The following EVL variants were observed in gnomAD, a reference collection of about 807,000 sequenced individuals.
The protein encoded by EVL is Enah/Vasp-like.
EVL carries 21 observed loss-of-function variants against 59.6 expected under a neutral mutation model. That is an observed-to-expected ratio of 0.35 (90% CI 0.25 to 0.51). The LOEUF (loss-of-function observed/expected upper bound fraction) is 0.51. Ranked by LOEUF, EVL falls within the 20% of genes least tolerant of loss-of-function variation. EVL has a pLI of 0.97. For synonymous variants in EVL, 198 were observed against 203.5 expected, an observed-to-expected ratio of 0.97 and a Z score of 0.23; for missense variants, 462 against 546.6, an observed-to-expected ratio of 0.85 and a Z score of 1.54.
intron 1 of EVL, among the ~76,000 whole-genome samples, chr14:99,988,925 G>A (rs2060858493): frequency 6.6e-6 from 1 of 152,188 alleles, no homozygotes; most frequent in Admixed American, 6.5e-5. Flanking sequence ...GGGGCTGAGG[G>A]TCAGTTTGAG....
At chr14:100,016,373 A>G (rs1236130088) in intron 1 of EVL, among the ~76,000 whole-genome samples, 1 of 152,192 alleles carries the variant, frequency 6.6e-6, no homozygotes, top group Non-Finnish European at 1.5e-5. Context: ...TACTAAAAAT[A>G]CAAAAATTAG....
At chr14:100,062,827 C>A (rs1295675000), upstream of EVL, among the ~76,000 whole-genome samples, 3 of 152,212 alleles carry the variant, frequency 2.0e-5, no homozygotes, top group Non-Finnish European at 4.4e-5. Context: ...GGCATGGTGA[C>A]TCATGCCTGT....
intron 1 of EVL, among the ~76,000 whole-genome samples, chr14:99,994,112 C>CTTTTT (rs751533422): frequency 3.6e-5 from 2 of 55,154 alleles, no homozygotes; most frequent in East Asian, 6.6e-4. Flanking sequence ...AGCCTTTTGG[C>CTTTTT]TTTTTTTTTT....
intron 1 of EVL, among the ~76,000 whole-genome samples, chr14:100,014,254 C>T (rs1185436542): frequency 6.6e-6 from 1 of 152,202 alleles, no homozygotes; most frequent in African/African-American, 2.4e-5. Context: ...ATTCTACTCA[C>T]AAGTTCGATT....
At chr14:100,099,317 T>TG (rs1318163471) in intron 3 of EVL, among the ~76,000 whole-genome samples, 1 of 152,142 alleles carries the variant, frequency 6.6e-6, no homozygotes, top group East Asian at 1.9e-4. Context: ...AAGAATCACT[T>TG]GAGTCCAAGA....
chr14:100,026,663 G>A (rs1231236079), intron 1 of EVL, among the ~76,000 whole-genome samples: 1 of 152,186 alleles, frequency 6.6e-6, no homozygotes, highest in Non-Finnish European at 1.5e-5. Context: ...CTACTGTGTA[G>A]TTGTATGATT....
chr14:100,133,597 C>A (rs1330386098), intron 8 of EVL, among the ~76,000 whole-genome samples: 3 of 152,200 alleles, frequency 2.0e-5, no homozygotes, highest in Non-Finnish European at 4.4e-5. Flanking sequence ...CCCCACCAGC[C>A]AACTCCCATT....
intron 1 of EVL, among the ~76,000 whole-genome samples, chr14:99,980,817 C>T (rs775540643): frequency 7.9e-5 from 12 of 152,202 alleles, no homozygotes; most frequent in East Asian, 3.9e-4. Flanking sequence ...TTAATTTGAG[C>T]GGCATCATTG....
At chr14:100,112,196 GA>G in intron 3 of EVL, among the ~76,000 whole-genome samples, 1 of 152,282 alleles carries the variant, frequency 6.6e-6, no homozygotes, top group East Asian at 1.9e-4. Flanking sequence ...CGGAGACTCA[GA>G]AAGCCAACTG....
At chr14:100,043,082 A>C (rs1348173333) in intron 1 of EVL, among the ~76,000 whole-genome samples, 1 of 152,126 alleles carries the variant, frequency 6.6e-6, no homozygotes, top group Non-Finnish European at 1.5e-5. Flanking sequence ...GTAGGTTCAC[A>C]TAGACCTGTT....
intron 1 of EVL, among the ~76,000 whole-genome samples, chr14:100,043,514 A>G (rs1430856853): frequency 6.6e-6 from 1 of 151,468 alleles, no homozygotes; most frequent in Non-Finnish European, 1.5e-5. Flanking sequence ...CTGGAGCCCA[A>G]AGGCTGGAGA....
chr14:100,128,472 C>T lies in EVL; in HGVS notation c.488-47C>T, dbSNP rs777345841. The stretch of plus-strand genomic sequence containing the variant: ...CTGAGCTGAGAGCAGCAGGCTTGGC[C>T]CCCAGCTGGGTGCTGGAGCTGGCTG... On this transcript the variant is annotated intron_variant, in intron 5 of 13. Coordinates refer to ENST00000392920, the MANE Select transcript of EVL (RefSeq NM_016337.3). 3.1e-6 allele frequency: 5 copies of T among 1,597,414 alleles called. No individual in the cohort carries two copies. In the East Asian group the frequency reaches 6.7e-5, roughly 21 times the overall value.
At chr14:100,000,340 C>CT (rs60864913) in intron 1 of EVL, among the ~76,000 whole-genome samples, 4,421 of 99,858 alleles carry the variant, frequency 0.044, 143 homozygotes, top group Non-Finnish European at 0.065. Context: ...CTGTTGCATT[C>CT]TTTTTTTTTT....
upstream of EVL, among the ~76,000 whole-genome samples, chr14:100,064,035 A>C (rs1195448165): frequency 1.3e-5 from 2 of 152,232 alleles, no homozygotes; most frequent in African/African-American, 4.8e-5. Flanking sequence ...ATTTTGAACC[A>C]AAAGAAAAAA....
intron 7 of EVL, among the ~76,000 whole-genome samples, chr14:100,132,374 G>T (rs908557775): frequency 1.3e-5 from 2 of 151,982 alleles, no homozygotes; most frequent in African/African-American, 4.8e-5. Flanking sequence ...GTCCCGTGTG[G>T]CCAGGCCTTC....
In EVL at chr14:100,136,731, C is replaced by T. The variant is rs575373416; in HGVS notation, c.964+763C>T. Among the ~76,000 whole-genome samples, 28 of 152,254 alleles carry T rather than the reference C, an allele frequency of 1.8e-4. No homozygotes were observed. In the South Asian group the frequency reaches 4.8e-3, roughly 26 times the overall value. On this transcript the variant is annotated intron_variant, in intron 9 of 13. Transcript: ENST00000392920. ...ATGTCCTCTCCTCCTAAGATTTTTGCCTGGTGTCTTGATTTGCCAGGATGC... is the reference window on the plus strand; with the variant it reads ...ATGTCCTCTCCTCCTAAGATTTTTGTCTGGTGTCTTGATTTGCCAGGATGC...
intron 3 of EVL, among the ~76,000 whole-genome samples, chr14:100,116,779 A>G (rs147838459): frequency 5.9e-5 from 9 of 152,300 alleles, no homozygotes; most frequent in Non-Finnish European, 1.0e-4. Context: ...TAAGCCCACA[A>G]TCCCGAGATA....
intron 1 of EVL, among the ~76,000 whole-genome samples, chr14:100,072,732 C>T (rs966677804): frequency 7.9e-5 from 12 of 152,170 alleles, no homozygotes; most frequent in Admixed American, 4.6e-4. Flanking sequence ...TAACCATGGG[C>T]AGGTTTAGTG....
chr14:100,101,627 G>T (rs1482753960), intron 3 of EVL, among the ~76,000 whole-genome samples: 2 of 152,188 alleles, frequency 1.3e-5, no homozygotes, highest in African/African-American at 4.8e-5. Context: ...TGGGCAACAA[G>T]AGTGAAACTC....
Sources: allele counts gnomAD v4.1 joint callset (sites outside exome capture counted in the v4.1 genomes callset), GRCh38; gene constraint gnomAD v4.1.1; transcripts MANE v1.5; gene names NCBI Gene and HGNC (gene_info 2026-07-23, HGNC 2026-07-21).